ARSG: variants seen among roughly 807,000 people sequenced by gnomAD.
The protein encoded by ARSG is arylsulfatase G.
ARSG carries 37 observed loss-of-function variants against 50.5 expected under a neutral mutation model. The ratio of observed to expected loss-of-function variants is 0.73; its 90% CI spans 0.56 to 0.96. ARSG has a LOEUF of 0.96. ARSG is among the 50% of genes least tolerant of loss of function. The probability of loss-of-function intolerance (pLI) is 0.00; values close to 1 mark genes in which losing one functional copy is unlikely to be tolerated. For synonymous variants in ARSG, 225 were observed against 254.6 expected (o/e 0.88, Z 1.11); for missense variants, 629 against 675.3 (o/e 0.93, Z 0.76).
chr17:68,304,476 T>C (rs1171052441), intron 1 of ARSG, among the ~76,000 whole-genome samples: 1 of 152,248 alleles, frequency 6.6e-6, no homozygotes, highest in African/African-American at 2.4e-5. Flanking sequence ...TAAGTACATA[T>C]TTGCCCATTC....
At chr17:68,413,795 G>C (rs2082174814) in intron 11 of ARSG, 1 of 158,222 alleles carries the variant, frequency 6.3e-6, no homozygotes, top group Non-Finnish European at 1.4e-5. Flanking sequence ...CTCCGAGCCA[G>C]GTAAGGGATG....
chr17:68,330,872 G>C (rs944093176), intron 2 of ARSG, among the ~76,000 whole-genome samples: 1 of 152,002 alleles, frequency 6.6e-6, no homozygotes, highest in African/African-American at 2.4e-5. Context: ...CTTGGTTGCA[G>C]GCTTTGCTGT....
intron 2 of ARSG, among the ~76,000 whole-genome samples, chr17:68,316,021 T>A (rs1389034851): frequency 6.6e-6 from 1 of 152,176 alleles, no homozygotes; most frequent in Non-Finnish European, 1.5e-5. Context: ...ATGGCTGCAG[T>A]TTCAGGTGCC....
At chr17:68,268,610 CTT>C (rs199839077) in intron 1 of ARSG, 8 of 143,762 alleles carry the variant, frequency 5.6e-5, no homozygotes, top group Admixed American at 7.0e-5. Context: ...TGATTGAAGT[CTT>C]TTTTTTTTTG....
intron 8 of ARSG, among the ~76,000 whole-genome samples, chr17:68,383,349 T>C (rs1186944803): frequency 1.3e-5 from 2 of 152,236 alleles, no homozygotes; most frequent in Admixed American, 1.3e-4. Flanking sequence ...GACCAAATCC[T>C]GTGTTCAACC....
chr17:68,271,364 G>C lies in ARSG; in HGVS notation c.-552+11938G>C. 1 of 1,614,286 alleles carries C rather than the reference G, an allele frequency of 6.2e-7. No homozygotes were observed. The highest frequency in any genetic ancestry group is 1.1e-5 in the South Asian group (1 of 91,092). On this transcript the variant is annotated intron_variant, in intron 1 of 11. Transcript: ENST00000448504. The surrounding 1 kb of genome is among the most constrained non-coding windows in gnomAD (Gnocchi z 5.3). ...GGGCTGGTCTTCACCAGGACCTGCT[G>C]CATGTCGGCCTTCGGCTCCAGTTCC...
intron 1 of ARSG, among the ~76,000 whole-genome samples, chr17:68,282,006 T>C (rs974687140): frequency 2.6e-5 from 4 of 152,194 alleles, no homozygotes; most frequent in Non-Finnish European, 4.4e-5. Context: ...ACTGGGTATA[T>C]ACCCAAAGGA....
intron 2 of ARSG, among the ~76,000 whole-genome samples, chr17:68,323,205 C>T (rs1248020030): frequency 6.6e-6 from 1 of 151,974 alleles, no homozygotes; most frequent in Non-Finnish European, 1.5e-5. Context: ...TTGATCCTTG[C>T]AGGGATTTTA....
chr17:68,368,057 T>C (rs1428335754), intron 6 of ARSG, among the ~76,000 whole-genome samples: 4 of 151,592 alleles, frequency 2.6e-5, no homozygotes, highest in African/African-American at 4.9e-5. Context: ...GCGACAAGAG[T>C]GCGACTCTGT....
the ARSG span, among the ~76,000 whole-genome samples, chr17:68,446,880 G>T: frequency 2.0e-4 from 31 of 152,294 alleles, 1 homozygote; most frequent in African/African-American, 7.2e-4. Context: ...CCCTCATGCT[G>T]GCTGCAGATA....
chr17:68,362,597 G>A (rs2079345377), intron 6 of ARSG, among the ~76,000 whole-genome samples: 1 of 151,974 alleles, frequency 6.6e-6, no homozygotes, highest in African/African-American at 2.4e-5. Flanking sequence ...TTCCGTATCT[G>A]GAATGCTTGG....
intron 3 of ARSG, among the ~76,000 whole-genome samples, chr17:68,344,864 C>A (rs1008221760): frequency 6.6e-6 from 1 of 152,224 alleles, no homozygotes; most frequent in South Asian, 2.1e-4. Context: ...ACCGTGTGAA[C>A]CTGTGGGAGG....
At chr17:68,323,290 A>G (rs782105410) in intron 2 of ARSG, among the ~76,000 whole-genome samples, 1 of 152,198 alleles carries the variant, frequency 6.6e-6, no homozygotes, top group Non-Finnish European at 1.5e-5. Flanking sequence ...TGCAGACTCT[A>G]ATTTATAAAT....
At chr17:68,268,328 C>T (rs1392203117) in intron 1 of ARSG, 1 of 152,422 alleles carries the variant, frequency 6.6e-6, no homozygotes, top group African/African-American at 2.4e-5. Flanking sequence ...ACAGGAAACA[C>T]ATTTTTAAAT....
chr17:68,445,846 C>T, the ARSG span, among the ~76,000 whole-genome samples: 2 of 152,224 alleles, frequency 1.3e-5, no homozygotes, highest in African/African-American at 4.8e-5. Flanking sequence ...CTTGGCTCCC[C>T]TCAGGCCAGT....
intron 11 of ARSG, among the ~76,000 whole-genome samples, chr17:68,408,529 G>C (rs1404116451): frequency 6.6e-6 from 1 of 151,816 alleles, no homozygotes; most frequent in Non-Finnish European, 1.5e-5. Flanking sequence ...TATCATTGTT[G>C]GACATTTGGG....
In ARSG at chr17:68,420,369, A is replaced by G. The variant is rs760936719; in HGVS notation, c.1484A>G (p.Asn495Ser). ...GCAGACGTCCTCCAAGACATTGCCA[A>G]CGACAACATCTCCAGCGCAGATTAC... ...VLADVLQDIA[N>S]DNISSADYTQ... Residue 495 changes from asparagine (N) to serine (S), a missense_variant, in exon 12 of 12, where the codon AAC (asparagine) becomes AGC (serine). Coordinates refer to ENST00000621439, the MANE Select transcript of ARSG (RefSeq NM_001267727.2). 5.0e-6 allele frequency: 8 copies of G among 1,614,202 alleles called. No individual in the cohort carries two copies. In the East Asian group the frequency reaches 1.6e-4, roughly 31 times the overall value.
the ARSG span, among the ~76,000 whole-genome samples, chr17:68,439,283 GAAT>G: frequency 2.0e-5 from 3 of 152,120 alleles, no homozygotes; most frequent in Non-Finnish European, 2.9e-5. Flanking sequence ...TTTTATAATA[GAAT>G]ATTATCCAGC....
At chr17:68,433,804 A>G in the ARSG span, among the ~76,000 whole-genome samples, 1 of 96,638 alleles carries the variant, frequency 1.0e-5, no homozygotes, top group African/African-American at 5.0e-5. Flanking sequence ...TTTTTGAGAC[A>G]GAGTCTCTCG....
Sources: allele counts gnomAD v4.1 joint callset (sites outside exome capture counted in the v4.1 genomes callset), GRCh38; gene constraint gnomAD v4.1.1; non-coding constraint Gnocchi (gnomAD v3.1); transcripts MANE v1.5; gene names NCBI Gene and HGNC (gene_info 2026-07-23, HGNC 2026-07-21).